The following LPA variants were observed in gnomAD, a reference collection of about 807,000 sequenced individuals.
LPA encodes the protein apolipoprotein(a).
Under a neutral mutation model 197.9 loss-of-function variants are expected in LPA, and 199 were observed. That is an observed-to-expected ratio of 1.01 (90% CI 0.90 to 1.13). LPA has a LOEUF of 1.13. Among genes scored for constraint, LPA ranks in the 50% most tolerant of loss-of-function variants. The probability of loss-of-function intolerance (pLI) is 0.00; values close to 1 mark genes in which losing one functional copy is unlikely to be tolerated. For missense variants in LPA, 1,853 were observed against 1,785.8 expected (o/e 1.04, Z -0.68); for synonymous variants, 715 against 639.5 (o/e 1.12, Z -1.78).
intron 38 of LPA, among the ~76,000 whole-genome samples, chr6:160,532,226 T>A (rs62441895): frequency 0.013 from 1,968 of 152,196 alleles, 25 homozygotes; most frequent in Non-Finnish European, 0.014. Context: ...TCTACCTTCC[T>A]CTCTACTGGA....
At chr6:160,553,661 AT>A (rs1410634541) in intron 30 of LPA, among the ~76,000 whole-genome samples, 1 of 152,188 alleles carries the variant, frequency 6.6e-6, no homozygotes, top group Non-Finnish European at 1.5e-5. Context: ...CGATTTATCT[AT>A]AATGTACCCA....
Position 160,600,991 on chromosome 6 carries a change from G to C in LPA, c.3053C>G (p.Ser1018Ter), listed in dbSNP as rs750408547. The C allele has an allele frequency of 3.7e-6, 6 of 1,614,060 alleles. No individual in the cohort carries two copies. In the Admixed American group the frequency reaches 8.3e-5, roughly 22 times the overall value. ...GACGAAGGCAGTCCATTCTGCATCT[G>C]AGCATCGTGTCAGGTTGCAGTACTC... ...RWEYCNLTRC[S>*]DAEWTAFVPP... Residue 1018 changes from serine (S) to a stop codon, truncating the protein, a stop_gained, in exon 19 of 39, where the codon TCA (serine) becomes TGA (stop). Transcript: ENST00000316300. LOFTEE classifies it high-confidence loss of function.
chr6:160,631,991 A>AGATTGTGT (rs1554240940), intron 8 of LPA, among the ~76,000 whole-genome samples: 12 of 131,180 alleles, frequency 9.1e-5, no homozygotes, highest in Non-Finnish European at 1.4e-4. Context: ...GTGTGTTTTC[A>AGATTGTGT]GTGTGTGTGT....
At chr6:160,575,062 G>T (rs530009536) in intron 28 of LPA, among the ~76,000 whole-genome samples, 1 of 151,994 alleles carries the variant, frequency 6.6e-6, no homozygotes, top group East Asian at 1.9e-4. Context: ...TTTTCCTCTG[G>T]CTTATAAAAT....
rs745948312 is a variant in LPA, at chr6:160,531,876, C to T, written c.5976G>A (p.Gly1992=). 6.2e-7 allele frequency: 1 copy of T among 1,614,048 alleles called. No homozygotes were observed. The highest frequency in any genetic ancestry group is 1.1e-5 in the South Asian group (1 of 91,074). ...GTDSCQGDSG[G]PLVCFEKDKY... is the part of the protein sequence containing the mutation. ...TGTCCTTCTCGAAGCAAACCAGAGG[C>T]CCTCCACTGTCACCCTAAACAGAGG... The change falls in exon 39 of 39, where the codon GGG becomes GGA. Residue 1992 remains glycine (G), a synonymous_variant. Coordinates refer to ENST00000316300, the MANE Select transcript of LPA (RefSeq NM_005577.4).
At position 160,606,499 on chromosome 6, in the gene LPA, G is replaced by C; in HGVS notation, c.2763C>G (p.Ser921Arg). Residue 921 changes from serine to arginine, a missense_variant, in exon 17 of 39, where the codon AGC (serine) becomes AGG (arginine). Transcript: ENST00000316300. Reference protein sequence around the residue: ...VAPPTITPIPSLEAPSEQAPT... With the variant: ...VAPPTITPIPRLEAPSEQAPT... ...TACCTTGTTCAGAAGGAGCCTCTAGGCTTGGAATCGGGGTAATAGTTGGAG... is the reference window on the plus strand; with the variant it reads ...TACCTTGTTCAGAAGGAGCCTCTAGCCTTGGAATCGGGGTAATAGTTGGAG... 1.2e-6 allele frequency: 2 copies of C among 1,613,532 alleles called. No individual in the cohort carries two copies. The highest frequency in any genetic ancestry group is 1.7e-6 in the Non-Finnish European group (2 of 1,179,862).
chr6:160,595,449 T>G lies in LPA; in HGVS notation c.3374A>C (p.Tyr1125Ser). Reference sequence around the variant, plus strand: ...CACCAGGCATTGTGTCAGGTTGCAGTACTCCCACCTGACACTGGGATCCAT... The same window carrying G: ...CACCAGGCATTGTGTCAGGTTGCAGGACTCCCACCTGACACTGGGATCCAT... ...YTMDPSVRWE[Y>S]CNLTQCLVTE... Residue 1125 changes from tyrosine to serine, a missense_variant, in exon 21 of 39, where the codon TAC becomes TCC. Tyr to Ser is a moderately radical substitution (Grantham distance 144). Around this residue, in one of 3 missense-constraint regions of LPA, gnomAD observed 1,737 missense variants for 1,504.4 expected, o/e 1.15. Transcript: ENST00000316300. The G allele has an allele frequency of 6.2e-7, 1 of 1,613,668 alleles. No individual in the cohort carries two copies. The highest frequency in any genetic ancestry group is 8.5e-7 in the Non-Finnish European group (1 of 1,179,902).
chr6:160,610,710 A>G (rs758712541), intron 16 of LPA, among the ~76,000 whole-genome samples: 12 of 152,130 alleles, frequency 7.9e-5, no homozygotes, highest in Non-Finnish European at 1.6e-4. Flanking sequence ...CCCAAACTCC[A>G]ATCCCTCTCC....
chr6:160,560,084 C>G (rs1443290331), intron 28 of LPA, among the ~76,000 whole-genome samples: 1 of 152,296 alleles, frequency 6.6e-6, no homozygotes, highest in African/African-American at 2.4e-5. Flanking sequence ...ATGATGGTTT[C>G]CAGCTTCATC....
intron 26 of LPA, among the ~76,000 whole-genome samples, chr6:160,583,537 C>T (rs891324189): frequency 2.0e-5 from 3 of 152,142 alleles, no homozygotes; most frequent in Admixed American, 6.5e-5. Flanking sequence ...CCTCCCAGTG[C>T]TATGTGAGCT....
At chr6:160,568,068 G>A (rs1207863105) in intron 28 of LPA, among the ~76,000 whole-genome samples, 4 of 152,178 alleles carry the variant, frequency 2.6e-5, no homozygotes, top group African/African-American at 9.7e-5. Context: ...GATACAAAGA[G>A]GAGCTGGTAC....
chr6:160,653,674 G>T (rs1780045616), intron 1 of LPA, among the ~76,000 whole-genome samples: 1 of 151,048 alleles, frequency 6.6e-6, no homozygotes, highest in Admixed American at 6.6e-5. Flanking sequence ...CATTCTATGA[G>T]GTCGTCATCA....
intron 24 of LPA, 147 bp from the exon 25 acceptor site, chr6:160,586,777 C>T: frequency 9.3e-7 from 1 of 1,075,894 alleles, no homozygotes; most frequent in Middle Eastern, 3.0e-4. Flanking sequence ...AAATGGTCCT[C>T]AACTTCTAAA....
intron 37 of LPA, among the ~76,000 whole-genome samples, chr6:160,536,717 A>G (rs1438900197): frequency 2.0e-5 from 3 of 152,096 alleles, no homozygotes; most frequent in Non-Finnish European, 4.4e-5. Context: ...GGTGCCCCTC[A>G]TTTGCCAAGT....
chr6:160,564,131 C>T (rs192139090), intron 28 of LPA, among the ~76,000 whole-genome samples: 1 of 152,168 alleles, frequency 6.6e-6, no homozygotes, highest in Admixed American at 6.5e-5. Context: ...CTATTTTGCC[C>T]ATTAGTTGAT....
chr6:160,586,487 A>T lies in LPA; in HGVS notation c.4091T>A (p.Val1364Glu). The T allele has an allele frequency of 6.2e-7, 1 of 1,613,694 alleles. No individual in the cohort carries two copies. Among genetic ancestry groups the T allele is most frequent in the Non-Finnish European group, 8.5e-7 (1 of 1,179,718 alleles). ...MESTLLTTPT[V>E]VPVPSTELPS... ...AAGCTCTGTGCTTGGAACTGGGACCACCGTGGGAGTTGTGAGGAGAGTTGA... is the reference window on the plus strand; with the variant it reads ...AAGCTCTGTGCTTGGAACTGGGACCTCCGTGGGAGTTGTGAGGAGAGTTGA... Residue 1364 changes from valine (V) to glutamate (E), a missense_variant, in exon 25 of 39, where the codon GTG (valine) becomes GAG (glutamate). Val to Glu is a moderately radical substitution (Grantham distance 121, BLOSUM62 -2). Around this residue, in one of 3 missense-constraint regions of LPA, gnomAD observed 1,737 missense variants for 1,504.4 expected, o/e 1.15. Coordinates refer to ENST00000316300, the MANE Select transcript of LPA (RefSeq NM_005577.4).
chr6:160,608,819 TTGTGTGTG>T (rs10526739), intron 16 of LPA, among the ~76,000 whole-genome samples: 1 of 149,348 alleles, frequency 6.7e-6, no homozygotes, highest in Non-Finnish European at 1.5e-5. Context: ...TTCTTGAGGG[TTGTGTGTG>T]TGTGTGTGTG....
intron 30 of LPA, 130 bp downstream of exon 30, chr6:160,555,895 G>A: frequency 2.9e-6 from 3 of 1,017,928 alleles, no homozygotes; most frequent in Admixed American, 1.8e-5. Flanking sequence ...AAGCAAAGTT[G>A]TCTGGACATT....
intron 35 of LPA, among the ~76,000 whole-genome samples, 162 bp from the exon 36 acceptor site, chr6:160,540,345 T>C (rs970754131): frequency 6.6e-6 from 1 of 152,136 alleles, no homozygotes; most frequent in Admixed American, 6.6e-5. Flanking sequence ...AAACTGACAG[T>C]TAAGGTCTGT....
Sources: allele counts gnomAD v4.1 joint callset (sites outside exome capture counted in the v4.1 genomes callset), GRCh38; gene constraint gnomAD v4.1.1; regional missense constraint gnomAD v4.1.1; transcripts MANE v1.5; gene names NCBI Gene and HGNC (gene_info 2026-07-23, HGNC 2026-07-21).